SAMD12: variants seen among roughly 807,000 people sequenced by gnomAD.
SAMD12 encodes the protein sterile alpha motif domain containing 12.
A neutral mutation model predicts 15.0 loss-of-function variants in SAMD12; 9 were observed. That is an observed-to-expected ratio of 0.60 (90% CI 0.36 to 1.05). The LOEUF is 1.05. Among genes scored for constraint, SAMD12 ranks in the 50% least tolerant of loss-of-function variants. The pLI is 0.01. For missense variants in SAMD12, 230 were observed against 234.2 expected (o/e 0.98, Z 0.12); for synonymous variants, 86 against 90.1 (o/e 0.96, Z 0.25).
chr8:118,443,194 T>C (rs1435331209), intron 2 of SAMD12, among the ~76,000 whole-genome samples: 2 of 152,182 alleles, frequency 1.3e-5, no homozygotes, highest in African/African-American at 4.8e-5. Flanking sequence ...CTGGGCACAG[T>C]AGCTCATGCC....
At chr8:118,582,316 A>T (rs1269050023) in intron 1 of SAMD12, among the ~76,000 whole-genome samples, 2 of 152,222 alleles carry the variant, frequency 1.3e-5, no homozygotes, top group Non-Finnish European at 2.9e-5. Flanking sequence ...CGCAAGTTAC[A>T]CAGAAACTGA....
intron 2 of SAMD12, among the ~76,000 whole-genome samples, chr8:118,470,211 T>A (rs1823752737): frequency 6.6e-6 from 1 of 151,592 alleles, no homozygotes; most frequent in Non-Finnish European, 1.5e-5. Flanking sequence ...CACACTCACA[T>A]ACACACAGTG....
chr8:118,156,175 T>A, the SAMD12 span, among the ~76,000 whole-genome samples: 1 of 152,236 alleles, frequency 6.6e-6, no homozygotes, highest in Non-Finnish European at 1.5e-5. Context: ...AGAGGTGCTC[T>A]GTAGCTCAGT....
intron 2 of SAMD12, among the ~76,000 whole-genome samples, chr8:118,525,529 A>G (rs1321789540): frequency 1.3e-5 from 2 of 152,148 alleles, no homozygotes; most frequent in Non-Finnish European, 2.9e-5. Context: ...CTCAACAAAT[A>G]TTAGTTGAAG....
At chr8:118,297,874 A>G (rs1265952848) in intron 4 of SAMD12, among the ~76,000 whole-genome samples, 1 of 152,246 alleles carries the variant, frequency 6.6e-6, no homozygotes, top group East Asian at 1.9e-4. Flanking sequence ...ATAATACAGA[A>G]ACAGAACAAG....
chr8:118,192,855 G>A (rs1227048847), exon 5 of SAMD12: 2 of 152,070 alleles, frequency 1.3e-5, no homozygotes, highest in African/African-American at 4.8e-5. Flanking sequence ...GTGCCTTCTT[G>A]TGCTTGATAT....
At chr8:118,408,680 G>A (rs1821252353) in intron 3 of SAMD12, among the ~76,000 whole-genome samples, 1 of 152,028 alleles carries the variant, frequency 6.6e-6, no homozygotes, top group East Asian at 1.9e-4. Flanking sequence ...AATCCACTCA[G>A]TTAACCATCA....
chr8:118,155,993 C>A, the SAMD12 span, among the ~76,000 whole-genome samples: 1 of 152,170 alleles, frequency 6.6e-6, no homozygotes, highest in African/African-American at 2.4e-5. Flanking sequence ...ATAAATCATA[C>A]CTTTTTTCAT....
chr8:118,394,517 T>G lies in SAMD12; in HGVS notation c.323-14817A>C, dbSNP rs573441504. Among the ~76,000 whole-genome samples, 3 of 152,346 alleles carry G rather than the reference T, an allele frequency of 2.0e-5. No individual in the cohort carries two copies. The South Asian group carries it at 6.2e-4, about 32-fold the overall frequency. ...CTTAATAAACTAGTGAAATAATATT[T>G]GGGCAGTGTCAAAATAAATGTTGTT... On this transcript the variant is annotated intron_variant, in intron 3 of 3. Coordinates refer to ENST00000314727, the MANE Select transcript of SAMD12 (RefSeq NM_207506.3).
At chr8:118,165,674 A>G in the SAMD12 span, among the ~76,000 whole-genome samples, 1 of 149,124 alleles carries the variant, frequency 6.7e-6, no homozygotes, top group African/African-American at 2.5e-5. Context: ...GATTTGAAGC[A>G]TAGTGGCATA....
chr8:118,589,502 A>G lies in SAMD12; in HGVS notation c.14-8609T>C, dbSNP rs548786504. On this transcript the variant is annotated intron_variant, in intron 1 of 3. Transcript: ENST00000314727. ...ACTTGATACATAGACAACCTAAAAC[A>G]ATGGAAATTAAAATAATGCTTAACT... Among the ~76,000 whole-genome samples the G allele has an allele frequency of 2.8e-4, 42 of 152,366 alleles. 1 individual carries two copies. The highest frequency in any genetic ancestry group is 2.5e-3 in the Admixed American group (38 of 15,300).
chr8:118,480,599 T>G (rs986852433), intron 2 of SAMD12, among the ~76,000 whole-genome samples: 1 of 152,190 alleles, frequency 6.6e-6, no homozygotes, highest in Non-Finnish European at 1.5e-5. Context: ...ACTGTTGCAA[T>G]AGTCTCCTAA....
chr8:118,356,916 A>G (rs1257677971), intron 4 of SAMD12, among the ~76,000 whole-genome samples: 5 of 152,252 alleles, frequency 3.3e-5, no homozygotes, highest in Non-Finnish European at 1.5e-5. Context: ...TATTGATCCT[A>G]TCTGCAAACA....
At chr8:118,505,960 C>CATTATCATCCCAGTCTG (rs1824910549) in intron 2 of SAMD12, among the ~76,000 whole-genome samples, 1 of 152,096 alleles carries the variant, frequency 6.6e-6, no homozygotes, top group African/African-American at 2.4e-5. Flanking sequence ...TAATATCATC[C>CATTATCATCCCAGTCTG]ATTATCATCC....
At chr8:118,463,851 T>C (rs1243310251) in intron 2 of SAMD12, among the ~76,000 whole-genome samples, 1 of 151,944 alleles carries the variant, frequency 6.6e-6, no homozygotes, top group Non-Finnish European at 1.5e-5. Flanking sequence ...ACTCAATTAC[T>C]GGGTTTGGCA....
At chr8:118,316,487 G>C (rs1239602892) in intron 4 of SAMD12, among the ~76,000 whole-genome samples, 6 of 151,982 alleles carry the variant, frequency 3.9e-5, no homozygotes, top group Admixed American at 3.9e-4. Flanking sequence ...AGTGAGCTGA[G>C]ATCATGGCAC....
At chr8:118,342,054 C>A (rs1817393413) in intron 4 of SAMD12, among the ~76,000 whole-genome samples, 1 of 152,122 alleles carries the variant, frequency 6.6e-6, no homozygotes. Flanking sequence ...CTTTGGGAGG[C>A]CAAGGTGGGC....
intron 4 of SAMD12, among the ~76,000 whole-genome samples, chr8:118,277,991 C>T (rs1813513357): frequency 6.6e-6 from 1 of 152,182 alleles, no homozygotes; most frequent in South Asian, 2.1e-4. Flanking sequence ...TGGTAGCACA[C>T]ATTCTGTTAG....
At chr8:118,243,177 A>C (rs1812611601) in intron 4 of SAMD12, among the ~76,000 whole-genome samples, 1 of 152,200 alleles carries the variant, frequency 6.6e-6, no homozygotes, top group Non-Finnish European at 1.5e-5. Context: ...AGCAGTGTTG[A>C]ATAAAAATGA....
Sources: allele counts gnomAD v4.1 joint callset (sites outside exome capture counted in the v4.1 genomes callset), GRCh38; gene constraint gnomAD v4.1.1; transcripts MANE v1.5; gene names NCBI Gene and HGNC (gene_info 2026-07-23, HGNC 2026-07-21).